PCBD1: variants seen among roughly 807,000 people sequenced by gnomAD.
PCBD1 encodes the protein pterin-4-alpha-carbinolamine dehydratase.
A neutral mutation model predicts 12.6 loss-of-function variants in PCBD1; 16 were observed. The observed-to-expected ratio is 1.27, with a 90% CI of 0.86 to 1.93. The LOEUF is 1.93. Among genes scored for constraint, PCBD1 ranks in the 30% most tolerant of loss-of-function variants. The probability of loss-of-function intolerance (pLI) is 0.00; values close to 1 mark genes in which losing one functional copy is unlikely to be tolerated. For synonymous variants in PCBD1, 53 were observed against 50.2 expected (o/e 1.05, Z -0.23); for missense variants, 86 against 130.1 (o/e 0.66, Z 1.65).
At chr10:70,887,773 C>G (rs1846608453) in intron 1 of PCBD1, 1 of 152,320 alleles carries the variant, frequency 6.6e-6, no homozygotes, top group African/African-American at 2.4e-5. Flanking sequence ...TCTCTGGGAC[C>G]TCAGCGCCCC....
rs555100128 is a variant in PCBD1 at position 70,883,585 on chromosome 10, T to C, written c.*365A>G. On this transcript the variant is annotated 3_prime_UTR_variant, in exon 4 of 4. Transcript: ENST00000299299. The stretch of plus-strand genomic sequence containing the variant: ...TTACATAGTGTGGGGTTTAGGGTCC[T>C]GGTTTCTAAGACAAGACTTTATTTC... 9.7e-5 allele frequency: 114 copies of C among 1,178,978 alleles called. No homozygotes were observed. In the South Asian group the frequency reaches 1.8e-3, roughly 19 times the overall value. The allele number at this position is 1,178,978 out of a possible 1,614,324, so 73.0% of individuals were successfully genotyped here.
chr10:70,884,242 CA>C, intron 3 of PCBD1, among the ~76,000 whole-genome samples, 194 bp from the exon 4 acceptor site: 1 of 152,164 alleles, frequency 6.6e-6, no homozygotes, highest in Non-Finnish European at 1.5e-5. Context: ...CAAAAATAAT[CA>C]TGACTTCAGC....
downstream of PCBD1, chr10:70,882,464 C>T (rs990703034): frequency 3.3e-5 from 5 of 152,216 alleles, no homozygotes; most frequent in Admixed American, 1.3e-4. Flanking sequence ...TGTTGCACAC[C>T]GGAGGCTTGT....
chr10:70,883,720 A>G lies in PCBD1; in HGVS notation c.*230T>C. ...CAAAGAAAGGGGAGAGTTTATTCAA[A>G]TTAGTGTAACAGAGCCCCCAGGATG... On this transcript the variant is annotated 3_prime_UTR_variant, in exon 4 of 4. Coordinates refer to ENST00000299299, the MANE Select transcript of PCBD1 (RefSeq NM_000281.4). 1 of 1,399,306 alleles carries G rather than the reference A, an allele frequency of 7.1e-7. No homozygotes were observed. The highest frequency in any genetic ancestry group is 9.3e-7 in the Non-Finnish European group (1 of 1,075,998). The allele number at this position is 1,399,306 out of a possible 1,614,324, so 86.7% of individuals were successfully genotyped here. A position where few individuals can be genotyped will look rare whatever the true frequency, so the allele number is the denominator to read the frequency against.
Position 70,883,733 on chromosome 10 carries a change from A to C in PCBD1, c.*217T>G. The C allele has an allele frequency of 7.0e-7, 1 of 1,421,418 alleles. No homozygotes were observed. Among genetic ancestry groups the C allele is most frequent in the South Asian group, 1.5e-5 (1 of 67,984 alleles). The allele number at this position is 1,421,418 out of a possible 1,614,324, so 88.1% of individuals were successfully genotyped here. On this transcript the variant is annotated 3_prime_UTR_variant, in exon 4 of 4. Coordinates refer to ENST00000299299, the MANE Select transcript of PCBD1 (RefSeq NM_000281.4). ...GAGTTTATTCAAATTAGTGTAACAGAGCCCCCAGGATGAAGAGAGTGGTGC... is the reference window on the plus strand; with the variant it reads ...GAGTTTATTCAAATTAGTGTAACAGCGCCCCCAGGATGAAGAGAGTGGTGC...
intron 1 of PCBD1, 129 bp from the exon 2 acceptor site, chr10:70,886,058 G>GTCTT: frequency 2.4e-6 from 3 of 1,264,376 alleles, no homozygotes; most frequent in Non-Finnish European, 3.3e-6. Flanking sequence ...AGGGCAGCAG[G>GTCTT]TCTTTGAGCA....
chr10:70,888,417 G>A (rs1846622849), intron 1 of PCBD1, 114 bp downstream of exon 1: 3 of 1,224,098 alleles, frequency 2.5e-6, no homozygotes, highest in East Asian at 3.3e-5. Context: ...TTCGGACCCC[G>A]GCGGCTCCGC....
At chr10:70,883,155 C>G (rs932765079), downstream of PCBD1, among the ~76,000 whole-genome samples, 1 of 152,100 alleles carries the variant, frequency 6.6e-6, no homozygotes, top group Non-Finnish European at 1.5e-5. Context: ...AAGAATCCTA[C>G]CCAGGTCTTC....
chr10:70,883,426 A>T, downstream of PCBD1: 1 of 676,628 alleles, frequency 1.5e-6, no homozygotes, highest in Admixed American at 5.1e-5. Context: ...GGAAGTGCCT[A>T]GCACAGAGGA....
rs1341123148 is a variant in PCBD1, at chr10:70,888,255, G to C, written c.3+276C>G. The C allele has an allele frequency of 4.1e-5, 14 of 341,612 alleles. No homozygotes were observed. The Admixed American group carries it at 4.5e-4, about 11-fold the overall frequency. The allele number at this position is 341,612 out of a possible 1,614,324, so 21.2% of individuals were successfully genotyped here. The stretch of plus-strand genomic sequence containing the variant: ...CCGGCCCAGGAAGGTCGTAGGCCCC[G>C]CCCCCGGAAGGGTCCCGGAACAAGC... On this transcript the variant is annotated intron_variant, in intron 1 of 3. Transcript: ENST00000299299.
intron 2 of PCBD1, among the ~76,000 whole-genome samples, 172 bp downstream of exon 2, chr10:70,885,626 C>T (rs1341304204): frequency 4.6e-5 from 7 of 152,228 alleles, no homozygotes; most frequent in Non-Finnish European, 7.3e-5. Context: ...AAAGATGATA[C>T]TTTCTGAGTT....
At chr10:70,888,155 G>A in intron 1 of PCBD1, 2 of 191,818 alleles carry the variant, frequency 1.0e-5, no homozygotes, top group Non-Finnish European at 2.1e-5. Flanking sequence ...CCTCCCTCTC[G>A]CTCCCACCCC....
At position 70,883,562 on chromosome 10, in the gene PCBD1, A is replaced by T; in HGVS notation, c.*388T>A. 2.6e-6 allele frequency: 3 copies of T among 1,142,616 alleles called. No individual in the cohort carries two copies. The highest frequency in any genetic ancestry group is 3.3e-6 in the Non-Finnish European group (3 of 919,504). The allele number at this position is 1,142,616 out of a possible 1,614,324, so 70.8% of individuals were successfully genotyped here. Reference sequence around the variant, plus strand: ...ACATAAAAACACATGTGTTTCTATTACATAGTGTGGGGTTTAGGGTCCTGG... The same window carrying T: ...ACATAAAAACACATGTGTTTCTATTTCATAGTGTGGGGTTTAGGGTCCTGG... On this transcript the variant is annotated 3_prime_UTR_variant, in exon 4 of 4. Transcript: ENST00000299299.
At chr10:70,885,683 G>T in intron 2 of PCBD1, 115 bp downstream of exon 2, 1 of 1,297,694 alleles carries the variant, frequency 7.7e-7, no homozygotes, top group Non-Finnish European at 1.1e-6. Flanking sequence ...CAAATAACTG[G>T]ATGAGTGTGG....
intron 1 of PCBD1, chr10:70,888,264 A>C: frequency 5.8e-6 from 2 of 344,652 alleles, no homozygotes; most frequent in East Asian, 4.8e-5. Context: ...CGCCCCCGGA[A>C]GGGTCCCGGA....
Position 70,885,793 on chromosome 10 carries a change from C to G in PCBD1, c.135+5G>C. The G allele has an allele frequency of 6.2e-7, 1 of 1,613,990 alleles. No individual in the cohort carries two copies. The highest frequency in any genetic ancestry group is 8.5e-7 in the Non-Finnish European group (1 of 1,179,960). On this transcript the variant is annotated splice_donor_5th_base_variant and intron_variant, in intron 2 of 3. Coordinates refer to ENST00000299299, the MANE Select transcript of PCBD1 (RefSeq NM_000281.4). ...AGAAAACTCTGTCCCACCCTGGTGCCATACCCTGTTGAAGTCTTTGAAATG... is the reference window on the plus strand; with the variant it reads ...AGAAAACTCTGTCCCACCCTGGTGCGATACCCTGTTGAAGTCTTTGAAATG...
In PCBD1 at chr10:70,885,918, T is replaced by A; in HGVS notation, c.15A>T (p.Ala5=). The A allele has an allele frequency of 6.2e-7, 1 of 1,613,936 alleles. No homozygotes were observed. The highest frequency in any genetic ancestry group is 8.5e-7 in the Non-Finnish European group (1 of 1,179,970). The change falls in exon 2 of 4, where the codon GCA becomes GCT. Residue 5 remains alanine (A), a synonymous_variant. Transcript: ENST00000299299. ...CCCTCTCCTCAGCGCTCAGCCTGTG[T>A]GCTTTGCCAGCCTAGAAGAGGGAAA... MAGK[A]HRLSAEERDQ...
intron 2 of PCBD1, among the ~76,000 whole-genome samples, chr10:70,885,589 A>C (rs868565044): frequency 5.9e-5 from 9 of 152,228 alleles, no homozygotes; most frequent in African/African-American, 2.2e-4. Context: ...AGCCCAAGAC[A>C]CATCCTCCTA....
chr10:70,888,200 G>C (rs1000350616), intron 1 of PCBD1: 3 of 273,752 alleles, frequency 1.1e-5, no homozygotes, highest in Admixed American at 5.4e-5. Context: ...AAGGGGACGA[G>C]ATCCGTGGAC....
Sources: gnomAD v4.1 joint callset for allele counts (sites outside exome capture counted in the v4.1 genomes callset) on GRCh38, gnomAD v4.1.1 for gene constraint, MANE v1.5 for transcripts, NCBI Gene and HGNC (gene_info 2026-07-23, HGNC 2026-07-21) for gene names.